Variants in GAB2 observed in about 807,000 individuals in gnomAD.
The protein encoded by GAB2 is GRB2 associated binding protein 2.
GAB2 carries 26 observed loss-of-function variants against 65.5 expected under a neutral mutation model. That is an observed-to-expected ratio of 0.40 (90% CI 0.29 to 0.55). The LOEUF is 0.55. GAB2 is among the 20% of genes least tolerant of loss of function. The pLI, the probability that GAB2 is intolerant of heterozygous loss-of-function variation, is 0.53. For missense variants in GAB2, 884 were observed against 875.8 expected (o/e 1.01, Z -0.12); for synonymous variants, 321 against 329.6 (o/e 0.97, Z 0.28).
In GAB2 at chr11:78,280,815, G is replaced by A; in HGVS notation, c.162C>T (p.Ser54=). The A allele has an allele frequency of 6.2e-7, 1 of 1,614,024 alleles. No homozygotes were observed. The highest frequency in any genetic ancestry group is 8.5e-7 in the Non-Finnish European group (1 of 1,179,856). Residue 54 remains serine, a synonymous_variant, in exon 2 of 10, where the codon TCC becomes TCT. Transcript: ENST00000361507. ...DVLEYYKNDH[S]KKPLRIINLN... is the part of the protein sequence containing the mutation. Reference sequence around the variant, plus strand: ...GGTTGATGATCCGCAGAGGCTTCTTGGAGTGATCGTTCTTGTAGTATTCCA... The same window carrying A: ...GGTTGATGATCCGCAGAGGCTTCTTAGAGTGATCGTTCTTGTAGTATTCCA...
At chr11:78,319,713 A>T (rs147423841) in intron 1 of GAB2, among the ~76,000 whole-genome samples, 7 of 152,236 alleles carry the variant, frequency 4.6e-5, no homozygotes. Flanking sequence ...GAGATATAAA[A>T]TTATTAAAGT....
intron 3 of GAB2, among the ~76,000 whole-genome samples, chr11:78,243,274 C>T: frequency 6.6e-6 from 1 of 151,658 alleles, no homozygotes; most frequent in East Asian, 1.9e-4. Context: ...TAGAGACCAA[C>T]CTGGCCAACA....
At chr11:78,340,552 C>A (rs1196322171) in intron 1 of GAB2, among the ~76,000 whole-genome samples, 6 of 139,294 alleles carry the variant, frequency 4.3e-5, no homozygotes, top group African/African-American at 1.4e-4. Flanking sequence ...TGAAGATGAA[C>A]AAAGGGAAAG....
intron 1 of GAB2, among the ~76,000 whole-genome samples, chr11:78,376,593 C>T (rs538194581): frequency 6.8e-4 from 104 of 152,282 alleles, no homozygotes; most frequent in African/African-American, 2.4e-3. Context: ...TGTGTTTTCA[C>T]ACATTCTGTT....
intron 1 of GAB2, among the ~76,000 whole-genome samples, chr11:78,394,879 C>T (rs576337006): frequency 2.9e-4 from 44 of 152,280 alleles, no homozygotes; most frequent in Admixed American, 3.9e-4. Flanking sequence ...GGAGATCATG[C>T]GGTGAGGAAG....
intron 1 of GAB2, among the ~76,000 whole-genome samples, chr11:78,414,666 G>A (rs529904991): frequency 1.3e-5 from 2 of 152,228 alleles, no homozygotes; most frequent in African/African-American, 4.8e-5. Context: ...TGCCCCAGAG[G>A]CAATAGTCAG....
At chr11:78,395,045 A>G (rs1299867443) in intron 1 of GAB2, among the ~76,000 whole-genome samples, 1 of 151,972 alleles carries the variant, frequency 6.6e-6, no homozygotes, top group Non-Finnish European at 1.5e-5. Flanking sequence ...ACACTGGGCA[A>G]CTGGGCACTG....
intron 1 of GAB2, among the ~76,000 whole-genome samples, chr11:78,413,529 C>G (rs10899498): frequency 0.24 from 37,080 of 151,956 alleles, 5,017 homozygotes; most frequent in East Asian, 0.44. Context: ...GTGCCTTTGT[C>G]AGAATAGCTT....
intron 2 of GAB2, chr11:78,280,326 G>A (rs1272624615): frequency 8.7e-6 from 4 of 459,370 alleles, no homozygotes; most frequent in East Asian, 3.9e-5. Context: ...AAACAGGAGG[G>A]ATGAGGAACG....
At chr11:78,238,242 A>G (rs1465064391) in intron 3 of GAB2, among the ~76,000 whole-genome samples, 1 of 151,956 alleles carries the variant, frequency 6.6e-6, no homozygotes, top group African/African-American at 2.4e-5. Flanking sequence ...TGTGGCAGAA[A>G]AAGATTTGAA....
chr11:78,247,889 A>G (rs1330344105), intron 3 of GAB2, among the ~76,000 whole-genome samples: 1 of 152,166 alleles, frequency 6.6e-6, no homozygotes, highest in African/African-American at 2.4e-5. Flanking sequence ...TCTCCCTGAG[A>G]TCCTGCTCAT....
At chr11:78,314,723 G>T (rs532168342) in intron 1 of GAB2, among the ~76,000 whole-genome samples, 1 of 152,310 alleles carries the variant, frequency 6.6e-6, no homozygotes, top group East Asian at 1.9e-4. Flanking sequence ...TTAAATCCCG[G>T]AAGGTAAGAC....
intron 1 of GAB2, among the ~76,000 whole-genome samples, chr11:78,317,948 A>C (rs1855645226): frequency 6.6e-6 from 1 of 152,232 alleles, no homozygotes; most frequent in Admixed American, 6.5e-5. Context: ...ACTTACAAAC[A>C]ACCTGGCAGG....
At chr11:78,380,416 G>A (rs975387161) in intron 1 of GAB2, among the ~76,000 whole-genome samples, 1 of 152,144 alleles carries the variant, frequency 6.6e-6, no homozygotes, top group African/African-American at 2.4e-5. Flanking sequence ...ACGTTGGCCA[G>A]GATGGTCTCA....
chr11:78,309,099 T>TG (rs1855433264), intron 1 of GAB2, among the ~76,000 whole-genome samples: 1 of 152,092 alleles, frequency 6.6e-6, no homozygotes, highest in Middle Eastern at 3.2e-3. Flanking sequence ...TAGGTCTTAG[T>TG]GACCCACTAG....
chr11:78,369,747 T>C (rs1856542808), intron 1 of GAB2, among the ~76,000 whole-genome samples: 1 of 152,196 alleles, frequency 6.6e-6, no homozygotes, highest in Admixed American at 6.5e-5. Flanking sequence ...GCTTATCAAC[T>C]GGTCAGGTTG....
chr11:78,267,182 A>C (rs1022503885), intron 2 of GAB2, among the ~76,000 whole-genome samples: 2 of 152,192 alleles, frequency 1.3e-5, no homozygotes, highest in Non-Finnish European at 2.9e-5. Context: ...GACACTGGAA[A>C]ATTAGCCAAG....
chr11:78,330,539 C>T (rs1380316246), intron 1 of GAB2, among the ~76,000 whole-genome samples: 2 of 151,886 alleles, frequency 1.3e-5, no homozygotes, highest in African/African-American at 2.4e-5. Context: ...AAGAAGGGCC[C>T]GTAGTGATAG....
intron 3 of GAB2, among the ~76,000 whole-genome samples, chr11:78,234,002 G>T (rs1590952115): frequency 6.6e-6 from 1 of 152,126 alleles, no homozygotes; most frequent in East Asian, 1.9e-4. Context: ...TCTCTTTTAT[G>T]ATTCTTGCTT....
Sources: allele counts gnomAD v4.1 joint callset (sites outside exome capture counted in the v4.1 genomes callset), GRCh38; gene constraint gnomAD v4.1.1; transcripts MANE v1.5; gene names NCBI Gene and HGNC (gene_info 2026-07-23, HGNC 2026-07-21).